CYP4V2: variants seen among roughly 807,000 people sequenced by gnomAD.
CYP4V2 encodes the protein cytochrome P450 4V2.
CYP4V2 carries 55 observed loss-of-function variants against 60.8 expected under a neutral mutation model. The observed-to-expected ratio is 0.90, with a 90% CI of 0.73 to 1.13. The LOEUF is 1.13. Among genes scored for constraint, CYP4V2 ranks in the 50% most tolerant of loss-of-function variants. The probability of loss-of-function intolerance (pLI) is 0.00; values close to 1 mark genes in which losing one functional copy is unlikely to be tolerated. For synonymous variants in CYP4V2, 239 were observed against 236.8 expected (o/e 1.01, Z -0.08); for missense variants, 675 against 662.9 (o/e 1.02, Z -0.20).
chr4:186,202,472 G>A (rs951109296), intron 7 of CYP4V2: 14 of 152,070 alleles, frequency 9.2e-5, no homozygotes, highest in African/African-American at 3.4e-4. Context: ...GATTTGTAAA[G>A]GTGCTCTGAG....
chr4:186,202,032 C>G (rs1184738426), intron 7 of CYP4V2: 1 of 152,298 alleles, frequency 6.6e-6, no homozygotes, highest in East Asian at 1.9e-4. Context: ...GTGAGCTGCT[C>G]TGCGGCAGCC....
chr4:186,206,050 G>A (rs535409267), intron 8 of CYP4V2, among the ~76,000 whole-genome samples: 2 of 152,290 alleles, frequency 1.3e-5, no homozygotes, highest in African/African-American at 4.8e-5. Flanking sequence ...TGTGGGCAGG[G>A]CTGTGGCCCA....
rs1391916195 is a variant in CYP4V2, at chr4:186,213,289, A to G, written c.*2648A>G. ...GATGATCAAGGTTTGTGTGCCCATT[A>G]CCTTTCCTCTGCCTGAAAGACGTGT... On this transcript the variant is annotated 3_prime_UTR_variant, in exon 11 of 11. Coordinates refer to ENST00000378802, the MANE Select transcript of CYP4V2 (RefSeq NM_207352.4). 3.9e-5 allele frequency: 6 copies of G among 152,242 alleles called. No homozygotes were observed. The highest frequency in any genetic ancestry group is 8.8e-5 in the Non-Finnish European group (6 of 68,036). The allele number at this position is 152,242 out of a possible 1,614,324, so 9.4% of individuals were successfully genotyped here.
intron 7 of CYP4V2, chr4:186,204,560 C>G (rs1443311503): frequency 1.1e-5 from 2 of 185,880 alleles, no homozygotes; most frequent in East Asian, 2.8e-4. Flanking sequence ...CAGTTTCTGC[C>G]TCTGTTTCCC....
chr4:186,205,364 T>C, intron 8 of CYP4V2, 62 bp downstream of exon 8: 5 of 1,485,114 alleles, frequency 3.4e-6, no homozygotes, highest in Non-Finnish European at 4.7e-6. Context: ...GATGTCACTG[T>C]GTTGTAAACA....
chr4:186,201,214 A>G lies in CYP4V2; in HGVS notation c.859A>G (p.Arg287Gly), dbSNP rs769330523. Residue 287 changes from arginine to glycine, a missense_variant, in exon 7 of 11, where the codon AGG becomes GGG. Transcript: ENST00000378802. ...CAATGAAGACTGTAGAGGTGATGGCAGGGGCTCTGCCCCCTCCAAAAATAA... is the reference window on the plus strand; with the variant it reads ...CAATGAAGACTGTAGAGGTGATGGCGGGGGCTCTGCCCCCTCCAAAAATAA... ...NANEDCRGDG[R>G]GSAPSKNKRR... is the part of the protein sequence containing the mutation. 1 of 1,614,198 alleles carries G rather than the reference A, an allele frequency of 6.2e-7. No homozygotes were observed. The highest frequency in any genetic ancestry group is 1.1e-5 in the South Asian group (1 of 91,084).
intron 1 of CYP4V2, chr4:186,192,416 C>T (rs2126579515): frequency 2.6e-6 from 1 of 390,194 alleles, no homozygotes; most frequent in South Asian, 2.3e-5. Flanking sequence ...CACCTTAACG[C>T]CCAGAGCCGC....
At chr4:186,198,756 G>A (rs769439738) in intron 5 of CYP4V2, among the ~76,000 whole-genome samples, 6 of 152,234 alleles carry the variant, frequency 3.9e-5, no homozygotes, top group Admixed American at 1.3e-4. Flanking sequence ...CCTTTAAAGA[G>A]CCCATTATTT....
chr4:186,204,395 TAA>T (rs1382139329), intron 7 of CYP4V2: 1 of 159,446 alleles, frequency 6.3e-6, no homozygotes, highest in Non-Finnish European at 1.3e-5. Context: ...TACGCTGGCG[TAA>T]GAGGTGGCGG....
At chr4:186,194,407 T>C in intron 1 of CYP4V2, 93 bp from the exon 2 acceptor site, 1 of 1,041,860 alleles carries the variant, frequency 9.6e-7, no homozygotes, top group Non-Finnish European at 1.5e-6. Context: ...ACAGAATTAG[T>C]ATATTCATCA....
At position 186,196,924 on chromosome 4, in the gene CYP4V2, C is replaced by T; in HGVS notation, c.414-16C>T. On this transcript the variant is annotated splice_polypyrimidine_tract_variant and intron_variant, in intron 3 of 10. Coordinates refer to ENST00000378802, the MANE Select transcript of CYP4V2 (RefSeq NM_207352.4). ...TCTGTAGATATATTTTTTGTAACCA[C>T]ATATTTTATTTCTAGTACTGGAAAC... is the stretch of plus-strand genomic sequence containing the variant. 1 of 1,610,458 alleles carries T rather than the reference C, an allele frequency of 6.2e-7. No individual in the cohort carries two copies. The highest frequency in any genetic ancestry group is 8.5e-7 in the Non-Finnish European group (1 of 1,178,808).
chr4:186,193,966 G>A (rs1736067133), intron 1 of CYP4V2, among the ~76,000 whole-genome samples: 1 of 152,190 alleles, frequency 6.6e-6, no homozygotes, highest in African/African-American at 2.4e-5. Flanking sequence ...TGCTGCCTTA[G>A]AACCACAGAT....
chr4:186,195,428 C>T lies in CYP4V2; in HGVS notation c.328-575C>T, dbSNP rs1444464766. ...CAGAGTAGGGGACTTGAGCAAGAAGCCTGGTGGGCACCCTGTGCTCAGCCC... is the reference window on the plus strand; with the variant it reads ...CAGAGTAGGGGACTTGAGCAAGAAGTCTGGTGGGCACCCTGTGCTCAGCCC... On this transcript the variant is annotated intron_variant, in intron 2 of 10. Transcript: ENST00000378802. The surrounding 1 kb of genome is among the most constrained non-coding windows in gnomAD (Gnocchi z 4.1). Among the ~76,000 whole-genome samples the T allele has an allele frequency of 1.3e-5, 2 of 152,166 alleles. No homozygotes were observed. Among genetic ancestry groups the T allele is most frequent in the African/African-American group, 4.8e-5 (2 of 41,440 alleles).
intron 5 of CYP4V2, 136 bp from the exon 6 acceptor site, chr4:186,198,821 C>A: frequency 7.5e-7 from 1 of 1,331,350 alleles, no homozygotes; most frequent in Non-Finnish European, 1.1e-6. Context: ...AAGCATAAAA[C>A]ATGGAGCTCT....
rs1736086255 is a variant in CYP4V2, at chr4:186,194,531, G to C, written c.246G>C (p.Glu82Asp). 1 of 1,614,036 alleles carries C rather than the reference G, an allele frequency of 6.2e-7. No homozygotes were observed. The highest frequency in any genetic ancestry group is 8.5e-7 in the Non-Finnish European group (1 of 1,180,026). The change falls in exon 2 of 11, where the codon GAG becomes GAC. Residue 82 changes from glutamate to aspartate, a missense_variant. By Grantham distance (45) the Glu-to-Asp change is conservative. Transcript: ENST00000378802. Reference protein sequence around the residue: ...EFFQQIIEYTEEYRHMPLLKL... With the variant: ...EFFQQIIEYTDEYRHMPLLKL... ...TTCAGCAGATCATTGAGTACACAGA[G>C]GAATACCGCCACATGCCGCTGCTGA... is the stretch of plus-strand genomic sequence containing the variant.
At chr4:186,196,734 T>C in intron 3 of CYP4V2, 1 of 558,218 alleles carries the variant, frequency 1.8e-6, no homozygotes, top group South Asian at 2.5e-5. Flanking sequence ...AATACTCATA[T>C]TTTGTAACTA....
At chr4:186,210,391 TC>T (rs1736671703) in intron 10 of CYP4V2, 77 bp from the exon 11 acceptor site, 1 of 1,593,796 alleles carries the variant, frequency 6.3e-7, no homozygotes, top group Non-Finnish European at 8.6e-7. Context: ...GTGGCTCGCT[TC>T]CTATGACAGG....
chr4:186,199,510 A>G (rs9312347), intron 6 of CYP4V2, among the ~76,000 whole-genome samples: 5,813 of 152,318 alleles, frequency 0.038, 325 homozygotes, highest in African/African-American at 0.13. Flanking sequence ...GAGGTGATCT[A>G]TCAACACATA....
chr4:186,204,751 A>G (rs1050855590), intron 7 of CYP4V2: 1 of 245,544 alleles, frequency 4.1e-6, no homozygotes, highest in South Asian at 5.6e-5. Flanking sequence ...GGTTGTTGTC[A>G]ATTTTTACTG....
Sources: allele counts gnomAD v4.1 joint callset (sites outside exome capture counted in the v4.1 genomes callset), GRCh38; gene constraint gnomAD v4.1.1; non-coding constraint Gnocchi (gnomAD v3.1); transcripts MANE v1.5; gene names NCBI Gene and HGNC (gene_info 2026-07-23, HGNC 2026-07-21).